NTRK3: variants seen among roughly 807,000 people sequenced by gnomAD.
The protein encoded by NTRK3 is neurotrophic receptor tyrosine kinase 3.
Under a neutral mutation model 91.7 loss-of-function variants are expected in NTRK3, and 24 were observed. The observed-to-expected ratio is 0.26, with a 90% CI of 0.19 to 0.37. The LOEUF (loss-of-function observed/expected upper bound fraction) is 0.37. Among genes scored for constraint, NTRK3 ranks in the 10% least tolerant of loss-of-function variants. NTRK3 has a pLI of 1.00. For synonymous variants in NTRK3, 483 were observed against 404.0 expected, an observed-to-expected ratio of 1.20 and a Z score of -2.34; for missense variants, 880 against 1,068.9, an observed-to-expected ratio of 0.82 and a Z score of 2.46.
intron 10 of NTRK3, among the ~76,000 whole-genome samples, chr15:88,132,253 A>G (rs187507621): frequency 1.1e-3 from 168 of 152,362 alleles, no homozygotes; most frequent in Non-Finnish European, 1.9e-3. Flanking sequence ...TCTCAGCTCT[A>G]CATCCTAAGA....
At chr15:87,876,241 T>C (rs1262065115) in exon 19 of NTRK3, 1 of 232,874 alleles carries the variant, frequency 4.3e-6, no homozygotes, top group Non-Finnish European at 8.5e-6. Flanking sequence ...TGTTCTGTGT[T>C]TACCCGTAGG....
At chr15:88,222,697 C>G (rs1307142234) in intron 3 of NTRK3, among the ~76,000 whole-genome samples, 1 of 152,274 alleles carries the variant, frequency 6.6e-6, no homozygotes, top group East Asian at 1.9e-4. Context: ...ACTTTCCTGG[C>G]ACTTTGAGGT....
At chr15:88,148,566 A>C (rs746662294) in intron 5 of NTRK3, among the ~76,000 whole-genome samples, 3 of 152,094 alleles carry the variant, frequency 2.0e-5, no homozygotes, top group African/African-American at 7.2e-5. Flanking sequence ...GGCCTGAGAG[A>C]TCCAGAGGAC....
At chr15:88,064,185 G>C (rs1258235110) in intron 13 of NTRK3, among the ~76,000 whole-genome samples, 2 of 152,222 alleles carry the variant, frequency 1.3e-5, no homozygotes, top group East Asian at 3.8e-4. Flanking sequence ...AAGAGACAAA[G>C]ACAGATTTCT....
chr15:87,876,738 T>TA, exon 19 of NTRK3: 2 of 412,070 alleles, frequency 4.9e-6, no homozygotes, highest in Non-Finnish European at 9.0e-6. Flanking sequence ...TATATATATA[T>TA]TTGCCAAACT....
At chr15:87,930,202 T>C (rs532294677) in intron 16 of NTRK3, among the ~76,000 whole-genome samples, 4 of 152,186 alleles carry the variant, frequency 2.6e-5, no homozygotes, top group Non-Finnish European at 5.9e-5. Context: ...CCTTGAAGCA[T>C]GGGTCTGGGG....
intron 13 of NTRK3, among the ~76,000 whole-genome samples, chr15:88,039,794 T>C (rs1314585275): frequency 6.6e-6 from 1 of 152,254 alleles, no homozygotes; most frequent in Non-Finnish European, 1.5e-5. Context: ...GGGTCATTTA[T>C]AACCTGACAC....
At chr15:88,206,533 CTG>C (rs2048791597) in intron 3 of NTRK3, among the ~76,000 whole-genome samples, 1 of 150,922 alleles carries the variant, frequency 6.6e-6, no homozygotes, top group South Asian at 2.1e-4. Context: ...TGGCGGGCGC[CTG>C]TAGTCCCAGC....
intron 5 of NTRK3, among the ~76,000 whole-genome samples, chr15:88,177,914 GA>G (rs2046143701): frequency 6.6e-6 from 1 of 152,248 alleles, no homozygotes; most frequent in Non-Finnish European, 1.5e-5. Flanking sequence ...CCAATCCTAT[GA>G]AGTAGGAACT....
chr15:87,904,629 C>A (rs940660033), intron 17 of NTRK3, among the ~76,000 whole-genome samples: 1 of 152,194 alleles, frequency 6.6e-6, no homozygotes, highest in African/African-American at 2.4e-5. Context: ...AGACTTGTGT[C>A]TAAGGCATGG....
At chr15:88,198,849 G>C (rs1183946798) in intron 3 of NTRK3, among the ~76,000 whole-genome samples, 3 of 152,152 alleles carry the variant, frequency 2.0e-5, no homozygotes, top group Admixed American at 6.5e-5. Flanking sequence ...GCACAAAACA[G>C]AGAGCTGAGG....
chr15:88,136,617 CCAGA>C lies in NTRK3; in HGVS notation c.623-12_623-9del. The C allele has an allele frequency of 6.2e-7, 1 of 1,611,378 alleles. No homozygotes were observed. Among genetic ancestry groups the C allele is most frequent in the Non-Finnish European group, 8.5e-7 (1 of 1,179,328 alleles). On this transcript the variant is annotated splice_polypyrimidine_tract_variant and intron_variant, in intron 7 of 18. Transcript: ENST00000394480. Reference sequence around the variant, plus strand: ...CGCTGATCTCAGGAAGGTCTGGGAGCCAGACAAAGTGGGTGAAAAGACAGGCAAA... The same window carrying C: ...CGCTGATCTCAGGAAGGTCTGGGAGCCAAAGTGGGTGAAAAGACAGGCAAA...
chr15:88,115,755 G>C (rs530417275), intron 13 of NTRK3, among the ~76,000 whole-genome samples: 2 of 152,272 alleles, frequency 1.3e-5, no homozygotes, highest in Admixed American at 1.3e-4. Flanking sequence ...CCAACCGCCA[G>C]AGCAGCAAGA....
At chr15:88,135,856 T>C in intron 9 of NTRK3, 43 bp downstream of exon 9, 1 of 1,611,174 alleles carries the variant, frequency 6.2e-7, no homozygotes, top group South Asian at 1.1e-5. Context: ...CTATGCCAGT[T>C]GCCCCTCACA....
At chr15:87,912,929 AAAATATAT>A (rs1280755069) in intron 17 of NTRK3, among the ~76,000 whole-genome samples, 26 of 15,090 alleles carry the variant, frequency 1.7e-3, no homozygotes, top group Middle Eastern at 0.045. Context: ...AAAGTAAAAA[AAAATATAT>A]ATATATATAT....
chr15:88,020,597 G>C (rs571453904), intron 14 of NTRK3, among the ~76,000 whole-genome samples: 5 of 152,270 alleles, frequency 3.3e-5, no homozygotes, highest in African/African-American at 1.2e-4. Context: ...ATCACATATT[G>C]TCACTTATAC....
At chr15:87,893,635 A>G (rs960279412) in intron 17 of NTRK3, among the ~76,000 whole-genome samples, 6 of 152,234 alleles carry the variant, frequency 3.9e-5, no homozygotes, top group African/African-American at 1.4e-4. Context: ...AAGTTCTACA[A>G]GGTTCTCAGG....
At chr15:87,886,676 C>CTACATATATATATATATATATATA (rs1555429880) in intron 17 of NTRK3, among the ~76,000 whole-genome samples, 5 of 101,202 alleles carry the variant, frequency 4.9e-5, no homozygotes, top group African/African-American at 1.6e-4. Flanking sequence ...CCACTTTTTG[C>CTACATATATATATATATATATATA]TATATATATA....
intron 14 of NTRK3, among the ~76,000 whole-genome samples, chr15:87,957,042 C>T (rs9806727): frequency 0.24 from 36,445 of 152,002 alleles, 5,054 homozygotes; most frequent in African/African-American, 0.39. Context: ...TCCAGCCAAC[C>T]CCACTCAACG....
Sources: allele counts gnomAD v4.1 joint callset (sites outside exome capture counted in the v4.1 genomes callset), GRCh38; gene constraint gnomAD v4.1.1; transcripts MANE v1.5; gene names NCBI Gene and HGNC (gene_info 2026-07-23, HGNC 2026-07-21).